EYA4: variants seen among roughly 807,000 people sequenced by gnomAD.
The protein encoded by EYA4 is protein phosphatase EYA4.
In EYA4, 31 loss-of-function variants were observed where a neutral mutation model predicts 87.9. That is an observed-to-expected ratio of 0.35 (90% CI 0.27 to 0.48). The LOEUF is 0.48. Ranked by LOEUF, EYA4 falls within the 20% of genes least tolerant of loss-of-function variation. The pLI is 0.99. For synonymous variants in EYA4, 263 were observed against 270.6 expected (o/e 0.97, Z 0.28); for missense variants, 678 against 761.4 (o/e 0.89, Z 1.29).
chr6:133,421,546 A>G (rs1377584122), intron 3 of EYA4, among the ~76,000 whole-genome samples: 1 of 152,106 alleles, frequency 6.6e-6, no homozygotes, highest in East Asian at 1.9e-4. Flanking sequence ...CCGTGTCTTG[A>G]TATTTGGACA....
intron 13 of EYA4, among the ~76,000 whole-genome samples, chr6:133,483,677 C>T (rs75846053): frequency 5.3e-5 from 7 of 133,042 alleles, no homozygotes; most frequent in African/African-American, 2.4e-4. Flanking sequence ...TTTATTTTCT[C>T]TTTTATTTAT....
At chr6:133,483,254 G>T (rs1796377594) in intron 13 of EYA4, 139 bp downstream of exon 13, 2 of 643,588 alleles carry the variant, frequency 3.1e-6, no homozygotes, top group Non-Finnish European at 5.4e-6. Context: ...TCTATTTCTA[G>T]TGTCTTATAG....
chr6:133,367,121 A>G (rs1237799500), intron 2 of EYA4, among the ~76,000 whole-genome samples: 1 of 152,196 alleles, frequency 6.6e-6, no homozygotes, highest in African/African-American at 2.4e-5. Context: ...TAGTCTTACT[A>G]AACTGCTCAC....
At position 133,289,311 on chromosome 6, in the gene EYA4, C is replaced by A. The variant is rs1003145932; in HGVS notation, c.33+14498C>A. Among the ~76,000 whole-genome samples, 4 of 152,060 alleles carry A rather than the reference C, an allele frequency of 2.6e-5. No homozygotes were observed. In the East Asian group the frequency reaches 7.7e-4, roughly 29 times the overall value. On this transcript the variant is annotated intron_variant, in intron 2 of 19. Coordinates refer to ENST00000355286, the MANE Select transcript of EYA4 (RefSeq NM_004100.5). ...CAGGAGGCAAATACCTTTGTCCAGG[C>A]AAGATCAGGAAGTAGATGGAAGCAG...
intron 11 of EYA4, among the ~76,000 whole-genome samples, chr6:133,480,091 C>T (rs1036667871): frequency 6.6e-6 from 1 of 151,936 alleles, no homozygotes; most frequent in Non-Finnish European, 1.5e-5. Flanking sequence ...GTTAAATCCC[C>T]CAGATTGTGT....
chr6:133,367,377 G>A (rs1784932644), intron 2 of EYA4, among the ~76,000 whole-genome samples: 1 of 152,186 alleles, frequency 6.6e-6, no homozygotes, highest in African/African-American at 2.4e-5. Context: ...CCATGAAACT[G>A]CAGTAATTAA....
intron 17 of EYA4, among the ~76,000 whole-genome samples, chr6:133,519,947 C>G (rs1039500278): frequency 1.5e-4 from 23 of 151,832 alleles, no homozygotes; most frequent in Admixed American, 6.6e-4. Flanking sequence ...ATTCAACAAC[C>G]CTTCATGCTA....
At chr6:133,526,618 G>C (rs950340340) in intron 19 of EYA4, among the ~76,000 whole-genome samples, 6 of 152,158 alleles carry the variant, frequency 3.9e-5, no homozygotes. Context: ...GCCTTCATTA[G>C]CAGTGTCAAT....
At chr6:133,319,382 C>T (rs745807127) in intron 2 of EYA4, among the ~76,000 whole-genome samples, 4 of 152,038 alleles carry the variant, frequency 2.6e-5, no homozygotes, top group East Asian at 1.9e-4. Context: ...CTATGGATTG[C>T]GCCTTTTTTT....
chr6:133,294,374 GT>G (rs1404852396), intron 2 of EYA4, among the ~76,000 whole-genome samples: 23 of 129,006 alleles, frequency 1.8e-4, no homozygotes, highest in African/African-American at 2.3e-4. Flanking sequence ...TGTTTTTTTT[GT>G]TTTTTTTTTT....
Position 133,385,389 on chromosome 6 carries a change from C to CTGTGTG in EYA4, c.83+2949_83+2950insGTGTGT, listed in dbSNP as rs1189948869. Among the ~76,000 whole-genome samples, 155 of 64,874 alleles carry CTGTGTG rather than the reference C, an allele frequency of 2.4e-3. 1 individual carries two copies. The highest frequency in any genetic ancestry group is 5.0e-3 in the African/African-American group (130 of 26,046). The allele number at this position is 64,874 out of a possible 152,430, so 42.6% of individuals were successfully genotyped here. A position where few individuals can be genotyped will look rare whatever the true frequency, so the allele number is the denominator to read the frequency against. ...TCCTCTGTGTGTGTATGTATGCTCT[C>CTGTGTG]TCTGTGTGTGTGTGTGTGTGTGTGT... is the stretch of plus-strand genomic sequence containing the variant. On this transcript the variant is annotated intron_variant, in intron 3 of 19. Transcript: ENST00000355286.
intron 2 of EYA4, among the ~76,000 whole-genome samples, chr6:133,291,220 G>A (rs1271522911): frequency 2.0e-5 from 3 of 151,940 alleles, no homozygotes; most frequent in Non-Finnish European, 2.9e-5. Context: ...ATTTTGACCC[G>A]GAATTAAACA....
intron 1 of EYA4, among the ~76,000 whole-genome samples, chr6:133,261,271 A>G (rs143038590): frequency 3.9e-4 from 59 of 152,308 alleles, no homozygotes; most frequent in South Asian, 1.7e-3. Flanking sequence ...CACATGTGCC[A>G]TTCTTTGTTT....
intron 2 of EYA4, among the ~76,000 whole-genome samples, chr6:133,377,263 A>C (rs996214798): frequency 2.6e-5 from 4 of 152,018 alleles, no homozygotes; most frequent in African/African-American, 4.8e-5. Flanking sequence ...CCAAAATATC[A>C]TTTTACTCTC....
chr6:133,394,435 G>A lies in EYA4; in HGVS notation c.83+11994G>A, dbSNP rs145027164. 1.9e-3 allele frequency among the ~76,000 whole-genome samples: 283 copies of A among 151,368 alleles called. 1 individual carries two copies. The highest frequency in any genetic ancestry group is 6.5e-3 in the African/African-American group (269 of 41,238). The stretch of plus-strand genomic sequence containing the variant: ...TACAGGTATCTTTAGTTCAACAGCG[G>A]CACCTTTATAAGCTTGTATTTAAAA... On this transcript the variant is annotated intron_variant, in intron 3 of 19. Coordinates refer to ENST00000355286, the MANE Select transcript of EYA4 (RefSeq NM_004100.5).
intron 2 of EYA4, among the ~76,000 whole-genome samples, chr6:133,357,095 C>G (rs1000457904): frequency 6.6e-6 from 1 of 151,686 alleles, no homozygotes; most frequent in East Asian, 1.9e-4. Flanking sequence ...AACAGTGAAA[C>G]CCCGTCTCTA....
chr6:133,322,802 A>C (rs950545915), intron 2 of EYA4, among the ~76,000 whole-genome samples: 4 of 152,198 alleles, frequency 2.6e-5, no homozygotes, highest in African/African-American at 9.6e-5. Context: ...TACAGAATGA[A>C]CCAATATATA....
chr6:133,495,234 A>G (rs1797537554), intron 13 of EYA4, among the ~76,000 whole-genome samples: 1 of 152,206 alleles, frequency 6.6e-6, no homozygotes, highest in South Asian at 2.1e-4. Context: ...GCTCCACTGC[A>G]TTCCAGCCTG....
At chr6:133,528,659 T>G (rs13216735) in intron 19 of EYA4, 66 bp from the exon 20 acceptor site, 1 of 1,125,376 alleles carries the variant, frequency 8.9e-7, no homozygotes, top group South Asian at 1.2e-5. Context: ...ACAATGGTTG[T>G]GATCTCTCTC....
Sources: gnomAD v4.1 joint callset for allele counts (sites outside exome capture counted in the v4.1 genomes callset) on GRCh38, gnomAD v4.1.1 for gene constraint, MANE v1.5 for transcripts, NCBI Gene and HGNC (gene_info 2026-07-23, HGNC 2026-07-21) for gene names.